TMEM132B: variants seen among roughly 807,000 people sequenced by gnomAD.
The protein encoded by TMEM132B is transmembrane protein 132B.
In TMEM132B, 18 loss-of-function variants were observed where a neutral mutation model predicts 90.8. That is an observed-to-expected ratio of 0.20 (90% CI 0.14 to 0.29). The LOEUF (loss-of-function observed/expected upper bound fraction) is 0.29, where lower values mean the gene tolerates loss of function less well. Ranked by LOEUF, TMEM132B falls within the 10% of genes least tolerant of loss-of-function variation. TMEM132B has a pLI of 1.00. For missense variants in TMEM132B, 1,096 were observed against 1,326.8 expected, an observed-to-expected ratio of 0.83 and a Z score of 2.70; for synonymous variants, 504 against 523.3, an observed-to-expected ratio of 0.96 and a Z score of 0.50.
At chr12:125,357,793 C>A (rs1877828035) in intron 2 of TMEM132B, among the ~76,000 whole-genome samples, 1 of 152,226 alleles carries the variant, frequency 6.6e-6, no homozygotes, top group African/African-American at 2.4e-5. Flanking sequence ...ATTAAGGCCA[C>A]ACCTGTGCAT....
chr12:125,314,704 C>T (rs1455500122), intron 1 of TMEM132B, among the ~76,000 whole-genome samples: 1 of 152,166 alleles, frequency 6.6e-6, no homozygotes, highest in Non-Finnish European at 1.5e-5. Context: ...CCAGAGGCTG[C>T]TGTCATTTTT....
intron 2 of TMEM132B, among the ~76,000 whole-genome samples, chr12:125,376,755 G>A (rs1878503134): frequency 6.6e-6 from 1 of 152,206 alleles, no homozygotes; most frequent in South Asian, 2.1e-4. Flanking sequence ...ACTGTCTAAG[G>A]GGGAGCTGAG....
At chr12:125,594,951 G>A (rs931673431) in intron 5 of TMEM132B, among the ~76,000 whole-genome samples, 3 of 152,078 alleles carry the variant, frequency 2.0e-5, no homozygotes, top group Non-Finnish European at 2.9e-5. Context: ...GTTGAGCTCA[G>A]TGTTCTCAGG....
At chr12:125,287,523 C>A (rs1196411915) in intron 1 of TMEM132B, among the ~76,000 whole-genome samples, 1 of 152,202 alleles carries the variant, frequency 6.6e-6, no homozygotes, top group Non-Finnish European at 1.5e-5. Context: ...CAGATGAAAA[C>A]AAAAAGGGCC....
rs75231965 is a variant in TMEM132B at position 125,284,643 on chromosome 12, A to T, written c.68-64809A>T. ...ATATACCATAGTTTCTTTTGCCAGT[A>T]TCTGGTGGATAGACATTCAAATCGC... On this transcript the variant is annotated intron_variant, in intron 1 of 8. Transcript: ENST00000682704. Among the ~76,000 whole-genome samples, 234 of 152,336 alleles carry T rather than the reference A, an allele frequency of 1.5e-3. 1 individual carries two copies. Among genetic ancestry groups the T allele is most frequent in the East Asian group, 8.7e-3 (45 of 5,184 alleles).
chr12:125,385,073 T>C (rs563502957), intron 2 of TMEM132B, among the ~76,000 whole-genome samples: 1 of 152,334 alleles, frequency 6.6e-6, no homozygotes, highest in South Asian at 2.1e-4. Context: ...CACATAAAAG[T>C]GAGATCATGC....
At chr12:125,421,458 A>T (rs995069982) in intron 3 of TMEM132B, among the ~76,000 whole-genome samples, 5 of 151,916 alleles carry the variant, frequency 3.3e-5, no homozygotes, top group Non-Finnish European at 7.4e-5. Context: ...ATCAGATCTC[A>T]TGAGACTTAT....
intron 1 of TMEM132B, among the ~76,000 whole-genome samples, chr12:125,308,799 T>C (rs1397870425): frequency 6.6e-6 from 1 of 152,134 alleles, no homozygotes; most frequent in East Asian, 1.9e-4. Context: ...ACAGAAAACA[T>C]TGAAGTTCTC....
chr12:125,393,601 A>T (rs1026426555), intron 2 of TMEM132B, among the ~76,000 whole-genome samples: 4 of 152,170 alleles, frequency 2.6e-5, no homozygotes, highest in Non-Finnish European at 5.9e-5. Context: ...CAAACGGTAT[A>T]TGCGAACACC....
At chr12:125,387,851 G>C (rs1878887729) in intron 2 of TMEM132B, among the ~76,000 whole-genome samples, 1 of 152,044 alleles carries the variant, frequency 6.6e-6, no homozygotes, top group Non-Finnish European at 1.5e-5. Context: ...AAAGAATTCT[G>C]GATACTGAGA....
chr12:125,236,899 C>T (rs1037461777), intron 1 of TMEM132B, among the ~76,000 whole-genome samples: 3 of 152,198 alleles, frequency 2.0e-5, no homozygotes, highest in African/African-American at 7.2e-5. Flanking sequence ...ACCTGTAGTG[C>T]ATCGGAGAGG....
chr12:125,616,034 T>C (rs1468117383), intron 5 of TMEM132B, among the ~76,000 whole-genome samples: 2 of 152,020 alleles, frequency 1.3e-5, no homozygotes, highest in East Asian at 1.9e-4. Flanking sequence ...GTGTGCTGCA[T>C]CCATTAACTC....
At chr12:125,396,972 C>G (rs1374739573) in intron 2 of TMEM132B, among the ~76,000 whole-genome samples, 1 of 149,586 alleles carries the variant, frequency 6.7e-6, no homozygotes, top group Non-Finnish European at 1.5e-5. Context: ...CTTAACTTCA[C>G]TATTCTTTTT....
chr12:125,601,707 G>C (rs1885575416), intron 5 of TMEM132B, among the ~76,000 whole-genome samples: 2 of 151,980 alleles, frequency 1.3e-5, no homozygotes, highest in Admixed American at 6.6e-5. Context: ...AAATTAGATA[G>C]ACCACTAGCT....
At chr12:125,409,608 TGGAGTGGAGTGGA>T (rs1879637957) in intron 2 of TMEM132B, among the ~76,000 whole-genome samples, 7 of 64,592 alleles carry the variant, frequency 1.1e-4, no homozygotes, top group Admixed American at 1.6e-4. Flanking sequence ...AGGAGTGGAG[TGGAGTGGAGTGGA>T]GGAGTGGAGT....
intron 5 of TMEM132B, among the ~76,000 whole-genome samples, chr12:125,615,294 C>G (rs1243016003): frequency 6.6e-6 from 1 of 151,964 alleles, no homozygotes; most frequent in Non-Finnish European, 1.5e-5. Context: ...CTAGAATTCT[C>G]ATCATTCCTT....
intron 1 of TMEM132B, among the ~76,000 whole-genome samples, chr12:125,313,059 G>A (rs1412769521): frequency 6.6e-6 from 1 of 152,124 alleles, no homozygotes; most frequent in Non-Finnish European, 1.5e-5. Flanking sequence ...CTGGGAGTGC[G>A]AGTGCCTGGG....
intron 5 of TMEM132B, among the ~76,000 whole-genome samples, chr12:125,602,324 A>T (rs919083282): frequency 1.3e-5 from 2 of 152,332 alleles, no homozygotes; most frequent in East Asian, 3.9e-4. Flanking sequence ...CAAATCAATA[A>T]ACATAATACA....
At chr12:125,269,993 C>T (rs1369498008) in intron 1 of TMEM132B, among the ~76,000 whole-genome samples, 1 of 151,762 alleles carries the variant, frequency 6.6e-6, no homozygotes, top group African/African-American at 2.4e-5. Flanking sequence ...TGCACCATTA[C>T]ACTCTAGTCT....
Sources: gnomAD v4.1 joint callset for allele counts (sites outside exome capture counted in the v4.1 genomes callset) on GRCh38, gnomAD v4.1.1 for gene constraint, MANE v1.5 for transcripts, NCBI Gene and HGNC (gene_info 2026-07-23, HGNC 2026-07-21) for gene names.